The following KDM4C variants were observed in gnomAD, a reference collection of about 807,000 sequenced individuals.
KDM4C encodes lysine-specific demethylase 4C.
A neutral mutation model predicts 129.3 loss-of-function variants in KDM4C; 81 were observed. The observed-to-expected ratio is 0.63, with a 90% CI of 0.52 to 0.75. The LOEUF (loss-of-function observed/expected upper bound fraction) is 0.75. KDM4C is among the 30% of genes least tolerant of loss of function. The pLI is 0.00. For missense variants in KDM4C, 1,457 were observed against 1,304.0 expected (o/e 1.12, Z -1.81); for synonymous variants, 573 against 456.1 (o/e 1.26, Z -3.26).
At chr9:7,065,385 C>T (rs1235064381) in intron 17 of KDM4C, among the ~76,000 whole-genome samples, 1 of 151,784 alleles carries the variant, frequency 6.6e-6, no homozygotes, top group Non-Finnish European at 1.5e-5. Flanking sequence ...AGGAATAGCG[C>T]TTAAGGTTAA....
chr9:7,008,203 A>G (rs1812383029), intron 12 of KDM4C, among the ~76,000 whole-genome samples: 1 of 152,100 alleles, frequency 6.6e-6, no homozygotes, highest in Non-Finnish European at 1.5e-5. Flanking sequence ...TCAGATCCCA[A>G]TCTAAGGTCC....
intron 8 of KDM4C, among the ~76,000 whole-genome samples, chr9:6,903,229 C>A (rs1438429123): frequency 6.6e-6 from 1 of 151,980 alleles, no homozygotes; most frequent in Non-Finnish European, 1.5e-5. Context: ...CAGGGTTGTC[C>A]TTTGATTTTG....
At chr9:6,902,607 C>T (rs990182020) in intron 8 of KDM4C, 6 of 152,066 alleles carry the variant, frequency 3.9e-5, no homozygotes, top group Admixed American at 6.5e-5. Flanking sequence ...CACCATGTCC[C>T]TCTCCCCAAG....
chr9:7,098,830 C>A (rs1156611070), intron 17 of KDM4C, among the ~76,000 whole-genome samples: 2 of 152,192 alleles, frequency 1.3e-5, no homozygotes, highest in Admixed American at 6.5e-5. Context: ...CCAGTGCTAG[C>A]CAGTATTGAC....
At chr9:6,886,094 T>C (rs573190531) in intron 6 of KDM4C, among the ~76,000 whole-genome samples, 2 of 152,364 alleles carry the variant, frequency 1.3e-5, no homozygotes, top group African/African-American at 4.8e-5. Flanking sequence ...CCATGGATTG[T>C]GCATTTGGGG....
intron 8 of KDM4C, among the ~76,000 whole-genome samples, chr9:6,960,325 G>A (rs1302483567): frequency 6.7e-6 from 1 of 149,502 alleles, no homozygotes; most frequent in Non-Finnish European, 1.5e-5. Context: ...TGTCACCCAG[G>A]CTGAAGTACA....
At chr9:6,785,271 G>A (rs1191404141) in intron 1 of KDM4C, among the ~76,000 whole-genome samples, 2 of 151,926 alleles carry the variant, frequency 1.3e-5, no homozygotes, top group East Asian at 3.9e-4. Flanking sequence ...GCTTGCAGCT[G>A]CATGACTCTA....
intron 5 of KDM4C, among the ~76,000 whole-genome samples, chr9:6,878,227 T>G (rs1843870335): frequency 6.6e-6 from 1 of 152,146 alleles, no homozygotes; most frequent in Non-Finnish European, 1.5e-5. Context: ...GGAAGGAAGT[T>G]TTCATCCTTT....
At chr9:7,045,153 T>G (rs1283139322) in intron 15 of KDM4C, among the ~76,000 whole-genome samples, 2 of 152,044 alleles carry the variant, frequency 1.3e-5, no homozygotes, top group African/African-American at 4.8e-5. Flanking sequence ...AGATTAGTGC[T>G]CTAGAACATG....
intron 21 of KDM4C, among the ~76,000 whole-genome samples, chr9:7,172,321 GC>G (rs1845046210): frequency 6.6e-6 from 1 of 152,134 alleles, no homozygotes; most frequent in Non-Finnish European, 1.5e-5. Flanking sequence ...TTCAGAAGCA[GC>G]CCCGTTACCT....
chr9:6,995,795 C>T (rs1295470811), intron 12 of KDM4C, among the ~76,000 whole-genome samples: 1 of 152,080 alleles, frequency 6.6e-6, no homozygotes, highest in Non-Finnish European at 1.5e-5. Context: ...CCTCAGCCTC[C>T]CAAGTAGCTG....
In KDM4C at chr9:7,016,181, G is replaced by A. The variant is rs566489917; in HGVS notation, c.2259+252G>A. On this transcript the variant is annotated intron_variant, in intron 15 of 21. Transcript: ENST00000381309. ...CTCTCTCTGTCGCCCAGGCTAGAGT[G>A]CAGTGGCAAGATCTTGGCTCACTGC... 1.3e-3 allele frequency among the ~76,000 whole-genome samples: 195 copies of A among 151,044 alleles called. 2 individuals are homozygous for A. The highest frequency in any genetic ancestry group is 0.011 in the South Asian group (52 of 4,804).
intron 17 of KDM4C, among the ~76,000 whole-genome samples, chr9:7,099,011 C>A (rs773444325): frequency 9.2e-5 from 14 of 152,212 alleles, no homozygotes; most frequent in Non-Finnish European, 2.1e-4. Flanking sequence ...TCCGTTGAGC[C>A]AAACATTGTT....
chr9:7,130,365 T>G (rs1840485230), intron 19 of KDM4C, among the ~76,000 whole-genome samples: 2 of 152,216 alleles, frequency 1.3e-5, no homozygotes. Context: ...TGGAATGTCT[T>G]TACATTGGAA....
chr9:6,990,850 G>T (rs140158150), intron 12 of KDM4C, among the ~76,000 whole-genome samples: 1 of 152,096 alleles, frequency 6.6e-6, no homozygotes, highest in Non-Finnish European at 1.5e-5. Flanking sequence ...TAGAGTTAAC[G>T]TGCTGTAGGT....
intron 1 of KDM4C, among the ~76,000 whole-genome samples, chr9:6,746,788 C>G (rs1817890107): frequency 6.7e-6 from 1 of 149,214 alleles, no homozygotes; most frequent in African/African-American, 2.4e-5. Flanking sequence ...GTGGGTGGAT[C>G]ACGAGGTCAG....
chr9:6,780,218 A>G (rs1824015230), intron 1 of KDM4C, among the ~76,000 whole-genome samples: 3 of 152,148 alleles, frequency 2.0e-5, no homozygotes, highest in Admixed American at 2.0e-4. Flanking sequence ...TATGAGATAT[A>G]ATTAAAAATT....
intron 8 of KDM4C, among the ~76,000 whole-genome samples, chr9:6,898,118 G>A (rs919683245): frequency 6.6e-6 from 1 of 152,168 alleles, no homozygotes; most frequent in Non-Finnish European, 1.5e-5. Context: ...TGATGGATTT[G>A]TTTGCCACTG....
chr9:6,757,628 C>G, upstream of KDM4C: 1 of 985,442 alleles, frequency 1.0e-6, no homozygotes. Context: ...CTGACGTCCG[C>G]GCGTCGGAGG....
Sources: gnomAD v4.1 joint callset for allele counts (sites outside exome capture counted in the v4.1 genomes callset) on GRCh38, gnomAD v4.1.1 for gene constraint, MANE v1.5 for transcripts, NCBI Gene and HGNC (gene_info 2026-07-23, HGNC 2026-07-21) for gene names.